The following CHST15 variants were observed in gnomAD, a reference collection of about 807,000 sequenced individuals.
The protein encoded by CHST15 is carbohydrate sulfotransferase 15.
In CHST15, 30 loss-of-function variants were observed where a neutral mutation model predicts 53.6. The ratio of observed to expected loss-of-function variants is 0.56; its 90% CI spans 0.42 to 0.76. The LOEUF is 0.76. Among genes scored for constraint, CHST15 ranks in the 30% least tolerant of loss-of-function variants. The pLI is 0.00. For missense variants in CHST15, 627 were observed against 740.5 expected (o/e 0.85, Z 1.78); for synonymous variants, 296 against 289.8 (o/e 1.02, Z -0.22).
chr10:124,084,193 C>T (rs1288754740), intron 1 of CHST15, among the ~76,000 whole-genome samples: 2 of 152,132 alleles, frequency 1.3e-5, no homozygotes, highest in African/African-American at 2.4e-5. Flanking sequence ...AGGGGCCACG[C>T]GCTGGCTGGG....
At chr10:124,086,034 G>A (rs1949411897) in intron 1 of CHST15, among the ~76,000 whole-genome samples, 1 of 152,204 alleles carries the variant, frequency 6.6e-6, no homozygotes, top group Non-Finnish European at 1.5e-5. Flanking sequence ...AGGCAGAGAA[G>A]CTTCTCCAGG....
intron 6 of CHST15, 42 bp downstream of exon 6, chr10:124,021,214 C>T (rs1415083596): frequency 2.4e-6 from 3 of 1,274,770 alleles, no homozygotes; most frequent in East Asian, 5.7e-5. Context: ...GCTCCTTCTG[C>T]CAGGGGCCAG....
At chr10:124,045,059 G>T in intron 2 of CHST15, 140 bp from the exon 3 acceptor site, 1 of 267,562 alleles carries the variant, frequency 3.7e-6, no homozygotes, top group Non-Finnish European at 5.9e-6. Context: ...AACAAATAAA[G>T]CAAAACTTGG....
chr10:124,016,564 G>T (rs1946591756), intron 6 of CHST15, among the ~76,000 whole-genome samples: 1 of 152,156 alleles, frequency 6.6e-6, no homozygotes, highest in African/African-American at 2.4e-5. Flanking sequence ...GAGCATAAAA[G>T]CCCAGGCCTC....
intron 5 of CHST15, among the ~76,000 whole-genome samples, chr10:124,031,248 T>C (rs1353813641): frequency 6.6e-6 from 1 of 152,224 alleles, no homozygotes; most frequent in Non-Finnish European, 1.5e-5. Context: ...GCAAACGGGA[T>C]GGATTTTCCT....
chr10:124,027,298 G>A (rs912690219), intron 5 of CHST15, among the ~76,000 whole-genome samples: 4 of 152,080 alleles, frequency 2.6e-5, no homozygotes, highest in Non-Finnish European at 5.9e-5. Flanking sequence ...GGGGGCATAG[G>A]GCTCCATCAA....
intron 3 of CHST15, 39 bp from the exon 4 acceptor site, chr10:124,042,486 T>C (rs373887543): frequency 1.9e-6 from 3 of 1,605,048 alleles, no homozygotes; most frequent in South Asian, 1.1e-5. Flanking sequence ...GAGGACAAAG[T>C]TGCTACTGCT....
In CHST15 at chr10:124,092,786, C is replaced by T. The variant is rs981233466; in HGVS notation, c.-513+683G>A. ...GGCGGAGCGCAAGGCTGGGGGGAATCCCCGTCCCCTACCGCCAAACGACGC... is the reference window on the plus strand; with the variant it reads ...GGCGGAGCGCAAGGCTGGGGGGAATTCCCGTCCCCTACCGCCAAACGACGC... On this transcript the variant is annotated intron_variant, in intron 1 of 7. Transcript: ENST00000435907. Among the ~76,000 whole-genome samples, 7 of 152,364 alleles carry T rather than the reference C, an allele frequency of 4.6e-5. No individual in the cohort carries two copies. In the East Asian group the frequency reaches 7.7e-4, roughly 17 times the overall value.
At chr10:124,038,708 G>C in intron 4 of CHST15, 37 bp from the exon 5 acceptor site, 1 of 1,606,672 alleles carries the variant, frequency 6.2e-7, no homozygotes. Flanking sequence ...GCAGGGGTGT[G>C]ATTCAGGCTC....
chr10:124,025,980 T>C (rs1237258722), intron 5 of CHST15, among the ~76,000 whole-genome samples: 1 of 152,182 alleles, frequency 6.6e-6, no homozygotes, highest in Non-Finnish European at 1.5e-5. Flanking sequence ...ACATTTCTGT[T>C]GTTTTAAGAA....
In CHST15 at chr10:124,051,703, G is replaced by A. The variant is rs142583855; in HGVS notation, c.-512-4979C>T. Among the ~76,000 whole-genome samples the A allele has an allele frequency of 4.9e-3, 741 of 152,280 alleles. 4 individuals carry two copies. The highest frequency in any genetic ancestry group is 0.01 in the Middle Eastern group (3 of 294). ...GGCACCAGGAGAGAAATCAGATAAC[G>A]GGTCCCAAAATAGAAAGTGTTCAAT... On this transcript the variant is annotated intron_variant, in intron 1 of 7. Coordinates refer to ENST00000435907, the MANE Select transcript of CHST15 (RefSeq NM_001270764.2).
intron 5 of CHST15, among the ~76,000 whole-genome samples, chr10:124,025,816 T>A (rs552572245): frequency 2.1e-4 from 32 of 151,548 alleles, no homozygotes; most frequent in African/African-American, 7.8e-4. Context: ...GAGCCTGGAG[T>A]GCGGCGTCTA....
intron 5 of CHST15, among the ~76,000 whole-genome samples, chr10:124,027,381 T>A (rs1209668406): frequency 1.3e-5 from 2 of 152,184 alleles, no homozygotes. Context: ...AAGGCCCTAC[T>A]ATGTAAAATC....
At chr10:124,043,268 T>G (rs959797355) in intron 3 of CHST15, among the ~76,000 whole-genome samples, 2 of 152,116 alleles carry the variant, frequency 1.3e-5, no homozygotes, top group South Asian at 2.1e-4. Context: ...TGGTTTTCAT[T>G]AAGGGGAAAT....
Position 124,066,574 on chromosome 10 carries a change from G to A in CHST15, c.-512-19850C>T, listed in dbSNP as rs370141510. On this transcript the variant is annotated intron_variant, in intron 1 of 7. Coordinates refer to ENST00000435907, the MANE Select transcript of CHST15 (RefSeq NM_001270764.2). ...GGATGACAACACAGTCGATGACATC[G>A]CTGGAAAGTCTTTGGTTGACTTAGT... 3.9e-5 allele frequency among the ~76,000 whole-genome samples: 6 copies of A among 152,160 alleles called. No individual in the cohort carries two copies. In the East Asian group the frequency reaches 5.8e-4, roughly 15 times the overall value.
At chr10:124,052,618 G>C (rs762659266) in intron 1 of CHST15, among the ~76,000 whole-genome samples, 1 of 152,332 alleles carries the variant, frequency 6.6e-6, no homozygotes, top group African/African-American at 2.4e-5. Context: ...GTTTGATCTT[G>C]AACAAGATAT....
At chr10:124,032,401 G>C (rs1482083289) in intron 5 of CHST15, among the ~76,000 whole-genome samples, 2 of 152,090 alleles carry the variant, frequency 1.3e-5, no homozygotes, top group African/African-American at 4.8e-5. Flanking sequence ...GATGGTACAT[G>C]ACCCCACTCC....
intron 1 of CHST15, among the ~76,000 whole-genome samples, chr10:124,050,287 G>A (rs1215812244): frequency 6.6e-6 from 1 of 152,160 alleles, no homozygotes; most frequent in African/African-American, 2.4e-5. Flanking sequence ...TGGAGCTTCT[G>A]TCCCACCAGG....
intron 1 of CHST15, among the ~76,000 whole-genome samples, chr10:124,069,842 G>A (rs988472163): frequency 2.6e-5 from 4 of 152,176 alleles, no homozygotes; most frequent in African/African-American, 9.6e-5. Flanking sequence ...CTCCAGGCCT[G>A]ACCAAACCAG....
Sources: allele counts gnomAD v4.1 joint callset (sites outside exome capture counted in the v4.1 genomes callset), GRCh38; gene constraint gnomAD v4.1.1; transcripts MANE v1.5; gene names NCBI Gene and HGNC (gene_info 2026-07-23, HGNC 2026-07-21).